The following SLC35E1 variants were observed in gnomAD, a reference collection of about 807,000 sequenced individuals.
The protein encoded by SLC35E1 is solute carrier family 35, member E1.
A neutral mutation model predicts 31.0 loss-of-function variants in SLC35E1; 12 were observed. The observed-to-expected ratio is 0.39, with a 90% CI of 0.25 to 0.63. The LOEUF is 0.63. SLC35E1 is among the 20% of genes least tolerant of loss of function. The pLI, the probability that SLC35E1 is intolerant of heterozygous loss-of-function variation, is 0.52. For missense variants in SLC35E1, 429 were observed against 572.2 expected (o/e 0.75, Z 2.55); for synonymous variants, 257 against 264.1 (o/e 0.97, Z 0.26).
Position 16,555,408 on chromosome 19 carries a change from C to G in SLC35E1, c.757-11G>C, listed in dbSNP as rs200963666. 1 of 1,612,488 alleles carries G rather than the reference C, an allele frequency of 6.2e-7. No homozygotes were observed. The highest frequency in any genetic ancestry group is 2.2e-5 in the East Asian group (1 of 44,880). On this transcript the variant is annotated splice_polypyrimidine_tract_variant and intron_variant, in intron 4 of 5. Transcript: ENST00000595753. The surrounding 1 kb of genome is among the most constrained non-coding windows in gnomAD (Gnocchi z 4.1). Reference sequence around the variant, plus strand: ...CTGGTAGACGTAGGTCTGCAGAGACCGGAAGGTAAAGACAGCACTTCAGTG... The same window carrying G: ...CTGGTAGACGTAGGTCTGCAGAGACGGGAAGGTAAAGACAGCACTTCAGTG...
At chr19:16,556,889 C>G (rs973981902) in intron 4 of SLC35E1, 2 of 471,438 alleles carry the variant, frequency 4.2e-6, no homozygotes, top group Non-Finnish European at 8.8e-6. Context: ...TCAACCAACT[C>G]AAGACTGGAA....
chr19:16,557,596 C>T (rs886939712), intron 4 of SLC35E1, among the ~76,000 whole-genome samples: 1 of 152,190 alleles, frequency 6.6e-6, no homozygotes, highest in Non-Finnish European at 1.5e-5. Context: ...CCCCCTCCTC[C>T]TAAACCTGGC....
chr19:16,555,157 T>G lies in SLC35E1; in HGVS notation c.997A>C (p.Asn333His). ...CCAGCCTCTCAGACTCTCACCTTGT[T>G]ATAGAGGAAGACCCCCAGGATGGCG... ...MTAILGVFLYNKTKYDANQQA... is the reference protein window; with the variant it reads ...MTAILGVFLYHKTKYDANQQA... Residue 333 changes from asparagine to histidine, a missense_variant, in exon 5 of 6, where the codon AAC (asparagine) becomes CAC (histidine). Transcript: ENST00000595753. The surrounding 1 kb of genome is among the most constrained non-coding windows in gnomAD (Gnocchi z 4.1). 8 of 1,613,992 alleles carry G rather than the reference T, an allele frequency of 5.0e-6. No homozygotes were observed. Among genetic ancestry groups the G allele is most frequent in the Non-Finnish European group, 5.9e-6 (7 of 1,180,010 alleles).
chr19:16,555,231 A>G lies in SLC35E1; in HGVS notation c.923T>C (p.Ile308Thr). Reference protein sequence around the residue: ...KRIMVITVSLIMLRNPVTSTN... With the variant: ...KRIMVITVSLTMLRNPVTSTN... The stretch of plus-strand genomic sequence containing the variant: ...GCTGGTGACTGGGTTGCGCAGCATG[A>G]TCAGGGACACCGTGATGACCATGAT... The change falls in exon 5 of 6, where the codon ATC becomes ACC. Residue 308 changes from isoleucine to threonine, a missense_variant. Coordinates refer to ENST00000595753, the MANE Select transcript of SLC35E1 (RefSeq NM_024881.5). This position sits in a 1 kb window ranked among gnomAD's most constrained non-coding sequence, Gnocchi z 4.1. The G allele has an allele frequency of 6.2e-7, 1 of 1,614,162 alleles. No individual in the cohort carries two copies. Among genetic ancestry groups the G allele is most frequent in the Non-Finnish European group, 8.5e-7 (1 of 1,180,032 alleles).
In SLC35E1 at chr19:16,555,033, C is replaced by T. The variant is rs2085868316; in HGVS notation, c.1002+119G>A. ...GGCTACGCCAAGATCATAAACCAGT[C>T]AGTGGCAAAGCTCTGACATACAACC... is the stretch of plus-strand genomic sequence containing the variant. On this transcript the variant is annotated intron_variant, in intron 5 of 5. Coordinates refer to ENST00000595753, the MANE Select transcript of SLC35E1 (RefSeq NM_024881.5). The surrounding 1 kb of genome is among the most constrained non-coding windows in gnomAD (Gnocchi z 4.1). 5 of 1,409,154 alleles carry T rather than the reference C, an allele frequency of 3.5e-6. No individual in the cohort carries two copies. The East Asian group carries it at 1.2e-4, about 34-fold the overall frequency. The allele number at this position is 1,409,154 out of a possible 1,614,324, so 87.3% of individuals were successfully genotyped here. A position where few individuals can be genotyped will look rare whatever the true frequency, so the allele number is the denominator to read the frequency against.
intron 4 of SLC35E1, chr19:16,565,122 G>A (rs760138684): frequency 2.8e-5 from 13 of 456,544 alleles, no homozygotes; most frequent in South Asian, 1.1e-4. Context: ...CACATTCTCT[G>A]AAGGCAGACC....
rs548902113 is a variant in SLC35E1, at chr19:16,550,157, C to G, written c.*3522G>C. The G allele has an allele frequency of 6.6e-6, 1 of 152,274 alleles. No individual in the cohort carries two copies. Among genetic ancestry groups the G allele is most frequent in the African/African-American group, 2.4e-5 (1 of 41,554 alleles). 9.4% of individuals were successfully genotyped at this position (152,274 alleles called of 1,614,324 possible). On this transcript the variant is annotated 3_prime_UTR_variant, in exon 6 of 6. Coordinates refer to ENST00000595753, the MANE Select transcript of SLC35E1 (RefSeq NM_024881.5). ...CTTTGTGGTAGGGGCTTGACTGTTCCTAGAATGAATGACTTAAAATAAGGT... is the reference window on the plus strand; with the variant it reads ...CTTTGTGGTAGGGGCTTGACTGTTCGTAGAATGAATGACTTAAAATAAGGT...
rs1196612480 is a variant in SLC35E1, at chr19:16,552,858, AAT to A, written c.*819_*820del. ...CCTCTCAAAAGACATGTGCCACAGA[AAT>A]AGAGCTTGAAATACTGAACACGATT... On this transcript the variant is annotated 3_prime_UTR_variant, in exon 6 of 6. Transcript: ENST00000595753. 6.6e-6 allele frequency: 1 copy of A among 152,210 alleles called. No homozygotes were observed. Among genetic ancestry groups the A allele is most frequent in the African/African-American group, 2.4e-5 (1 of 41,436 alleles). The allele number at this position is 152,210 out of a possible 1,614,324, so 9.4% of individuals were successfully genotyped here. A position where few individuals can be genotyped will look rare whatever the true frequency, so the allele number is the denominator to read the frequency against.
chr19:16,560,482 T>C (rs1021037721), intron 4 of SLC35E1, among the ~76,000 whole-genome samples: 1 of 152,110 alleles, frequency 6.6e-6, no homozygotes, highest in Non-Finnish European at 1.5e-5. Context: ...TTTAGGTGGC[T>C]GTGGAACCTG....
intron 4 of SLC35E1, among the ~76,000 whole-genome samples, chr19:16,558,485 C>T (rs1042845450): frequency 6.6e-6 from 1 of 151,538 alleles, no homozygotes; most frequent in African/African-American, 2.4e-5. Context: ...TACAGGTGTG[C>T]CGCACCACAC....
chr19:16,567,199 G>C (rs553584515), intron 3 of SLC35E1, among the ~76,000 whole-genome samples: 2 of 150,616 alleles, frequency 1.3e-5, no homozygotes, highest in South Asian at 2.1e-4. Flanking sequence ...TTTTTTTTTT[G>C]AGACGGGGTC....
intron 4 of SLC35E1, among the ~76,000 whole-genome samples, chr19:16,559,499 C>G (rs920675569): frequency 1.4e-5 from 2 of 140,454 alleles, no homozygotes; most frequent in Non-Finnish European, 3.2e-5. Context: ...CACACACACA[C>G]AGAGTTAACC....
At position 16,572,374 on chromosome 19, in the gene SLC35E1, G is replaced by C. The variant is rs1181938057; in HGVS notation, c.-10C>G. 1 of 1,002,548 alleles carries C rather than the reference G, an allele frequency of 1.0e-6. No homozygotes were observed. The highest frequency in any genetic ancestry group is 1.1e-4 in the East Asian group (1 of 9,250). The allele number at this position is 1,002,548 out of a possible 1,614,324, so 62.1% of individuals were successfully genotyped here. A position where few individuals can be genotyped will look rare whatever the true frequency, so the allele number is the denominator to read the frequency against. On this transcript the variant is annotated 5_prime_UTR_variant, in exon 1 of 6. Coordinates refer to ENST00000595753, the MANE Select transcript of SLC35E1 (RefSeq NM_024881.5). The surrounding 1 kb of genome is among the most constrained non-coding windows in gnomAD (Gnocchi z 4.1). Reference sequence around the variant, plus strand: ...CCGCGGCCGCCGCCATCCTGCCCGAGCGGCCGCCCCTTCCAGCCCGTCCGA... The same window carrying C: ...CCGCGGCCGCCGCCATCCTGCCCGACCGGCCGCCCCTTCCAGCCCGTCCGA...
intron 4 of SLC35E1, among the ~76,000 whole-genome samples, chr19:16,563,617 G>A (rs899848366): frequency 1.3e-5 from 2 of 152,080 alleles, no homozygotes; most frequent in African/African-American, 4.8e-5. Flanking sequence ...TAGTAGCTAG[G>A]ATTATAGGCG....
Position 16,555,511 on chromosome 19 carries a change from C to T in SLC35E1, c.757-114G>A, listed in dbSNP as rs2085871531. On this transcript the variant is annotated intron_variant, in intron 4 of 5. Coordinates refer to ENST00000595753, the MANE Select transcript of SLC35E1 (RefSeq NM_024881.5). The surrounding 1 kb of genome is among the most constrained non-coding windows in gnomAD (Gnocchi z 4.1). ...ATGTGGAGGGGCTCATCTGGAGCCT[C>T]ATGGTCCACAGGCAGCCAGTCCAGA... 3.5e-6 allele frequency: 5 copies of T among 1,423,732 alleles called. No individual in the cohort carries two copies. In the Admixed American group the frequency reaches 1.2e-4, roughly 33 times the overall value. The allele number at this position is 1,423,732 out of a possible 1,614,324, so 88.2% of individuals were successfully genotyped here. A position where few individuals can be genotyped will look rare whatever the true frequency, so the allele number is the denominator to read the frequency against.
At chr19:16,560,867 C>CAA (rs370428585) in intron 4 of SLC35E1, among the ~76,000 whole-genome samples, 5 of 67,578 alleles carry the variant, frequency 7.4e-5, no homozygotes, top group Admixed American at 4.3e-4. Context: ...ATCTCAAAAA[C>CAA]AAAAAAAAAA....
intron 4 of SLC35E1, among the ~76,000 whole-genome samples, chr19:16,561,682 G>A (rs1474924335): frequency 6.6e-6 from 1 of 152,166 alleles, no homozygotes; most frequent in Non-Finnish European, 1.5e-5. Context: ...GACACCAGCT[G>A]ACATTCTCCC....
At position 16,571,950 on chromosome 19, in the gene SLC35E1, G is replaced by A; in HGVS notation, c.415C>T (p.His139Tyr). The A allele has an allele frequency of 6.5e-7, 1 of 1,547,610 alleles. No individual in the cohort carries two copies. Among genetic ancestry groups the A allele is most frequent in the South Asian group, 1.2e-5 (1 of 83,988 alleles). The change falls in exon 1 of 6, where the codon CAC becomes TAC. Residue 139 changes from histidine (H) to tyrosine (Y), a missense_variant. Coordinates refer to ENST00000595753, the MANE Select transcript of SLC35E1 (RefSeq NM_024881.5). ...SIWKVPVSYA[H>Y]TVKATMPIWV... ...GGCCGGGCGCGGAACCTACCGGTGT[G>A]TGCATAGGACACGGGCACCTTCCAG...
At chr19:16,571,772 C>T (rs1433389395) in intron 1 of SLC35E1, among the ~76,000 whole-genome samples, 172 bp downstream of exon 1, 2 of 152,210 alleles carry the variant, frequency 1.3e-5, no homozygotes, top group Non-Finnish European at 2.9e-5. Flanking sequence ...TTCTCAGCTC[C>T]TCTTCTCCCT....
Sources: gnomAD v4.1 joint callset for allele counts (sites outside exome capture counted in the v4.1 genomes callset) on GRCh38, gnomAD v4.1.1 for gene constraint, Gnocchi (gnomAD v3.1) non-coding constraint, MANE v1.5 for transcripts, NCBI Gene and HGNC (gene_info 2026-07-23, HGNC 2026-07-21) for gene names.